Variants in TC2N observed in about 807,000 individuals in gnomAD.
TC2N encodes the protein tandem C2 domains nuclear protein.
TC2N carries 51 observed loss-of-function variants against 61.9 expected under a neutral mutation model. That is an observed-to-expected ratio of 0.82 (90% CI 0.66 to 1.04). The LOEUF is 1.04. TC2N is among the 50% of genes least tolerant of loss of function. The pLI, the probability that TC2N is intolerant of heterozygous loss-of-function variation, is 0.00. For synonymous variants in TC2N, 204 were observed against 192.6 expected, an observed-to-expected ratio of 1.06 and a Z score of -0.49; for missense variants, 556 against 566.7, an observed-to-expected ratio of 0.98 and a Z score of 0.19.
At position 91,834,494 on chromosome 14, in the gene TC2N, A is replaced by C. The variant is rs117250957; in HGVS notation, c.-56-20669T>G. On this transcript the variant is annotated intron_variant, in intron 1 of 11. Coordinates refer to ENST00000435962, the MANE Select transcript of TC2N (RefSeq NM_001128596.3). The stretch of plus-strand genomic sequence containing the variant: ...CTTTTCTTTTTTTAATCATCTCCCT[A>C]ATCAATGGATCGCCTCTCCTTCTAA... 9.1e-3 allele frequency among the ~76,000 whole-genome samples: 1,390 copies of C among 152,096 alleles called. 9 individuals carry two copies. Among genetic ancestry groups the C allele is most frequent in the Non-Finnish European group, 0.015 (1,022 of 67,992 alleles).
At chr14:91,791,887 C>G (rs1045884300) in intron 9 of TC2N, among the ~76,000 whole-genome samples, 3 of 151,992 alleles carry the variant, frequency 2.0e-5, no homozygotes, top group Admixed American at 6.6e-5. Flanking sequence ...GAGACCGAGG[C>G]GGGCAGATCA....
chr14:91,781,719 G>A lies in TC2N; in HGVS notation c.*1381C>T, dbSNP rs1464004832. 1 of 152,096 alleles carries A rather than the reference G, an allele frequency of 6.6e-6. No individual in the cohort carries two copies. The highest frequency in any genetic ancestry group is 6.6e-5 in the Admixed American group (1 of 15,264). 9.4% of individuals were successfully genotyped at this position (152,096 alleles called of 1,614,324 possible). On this transcript the variant is annotated 3_prime_UTR_variant, in exon 12 of 12. Coordinates refer to ENST00000435962, the MANE Select transcript of TC2N (RefSeq NM_001128596.3). Reference sequence around the variant, plus strand: ...ATTTCAAAATGTTCAGTGGCAGAGAGTACTGGTACCACAAAATCAGAGCAG... The same window carrying A: ...ATTTCAAAATGTTCAGTGGCAGAGAATACTGGTACCACAAAATCAGAGCAG...
chr14:91,829,698 C>T (rs1413013286), intron 1 of TC2N, among the ~76,000 whole-genome samples: 2 of 152,066 alleles, frequency 1.3e-5, no homozygotes, highest in Non-Finnish European at 2.9e-5. Flanking sequence ...TATCATTCTG[C>T]CAATTCTTGC....
At chr14:91,853,028 G>A (rs12437322) in intron 1 of TC2N, among the ~76,000 whole-genome samples, 74,210 of 151,970 alleles carry the variant, frequency 0.49, 18,438 homozygotes, top group African/African-American at 0.57. Context: ...CTGAGATCCC[G>A]CCACTGCACT....
Position 91,785,144 on chromosome 14 carries a change from A to AT in TC2N, c.1362+17dup. On this transcript the variant is annotated intron_variant, in intron 11 of 11. Transcript: ENST00000435962. ...AATGCATAGAAAAATATAAGGAAGG[A>AT]TAAAAACTCCTACTAACCTGGCCCA... 1 of 1,579,844 alleles carries AT rather than the reference A, an allele frequency of 6.3e-7. No homozygotes were observed. Among genetic ancestry groups the AT allele is most frequent in the Non-Finnish European group, 8.7e-7 (1 of 1,152,704 alleles).
intron 1 of TC2N, among the ~76,000 whole-genome samples, chr14:91,852,520 G>A (rs182519202): frequency 9.5e-4 from 145 of 152,234 alleles, no homozygotes; most frequent in African/African-American, 3.4e-3. Flanking sequence ...AGATTGTTGT[G>A]AAAGAATAGA....
intron 1 of TC2N, among the ~76,000 whole-genome samples, chr14:91,828,165 T>C (rs538279871): frequency 6.6e-6 from 1 of 152,290 alleles, no homozygotes; most frequent in African/African-American, 2.4e-5. Flanking sequence ...CCCTCTGTTG[T>C]TGCTGATCTG....
intron 10 of TC2N, among the ~76,000 whole-genome samples, chr14:91,786,542 G>C (rs547396512): frequency 6.6e-6 from 1 of 151,946 alleles, no homozygotes; most frequent in Admixed American, 6.6e-5. Flanking sequence ...ACCTTTTCAT[G>C]CTTATTCTTT....
At chr14:91,806,949 T>C (rs953790669) in intron 3 of TC2N, among the ~76,000 whole-genome samples, 5 of 152,220 alleles carry the variant, frequency 3.3e-5, no homozygotes, top group South Asian at 2.1e-4. Context: ...CCCCCTGTTG[T>C]GTGCAGCCTA....
At chr14:91,790,957 C>A (rs1177020517) in intron 9 of TC2N, among the ~76,000 whole-genome samples, 1 of 151,834 alleles carries the variant, frequency 6.6e-6, no homozygotes, top group Non-Finnish European at 1.5e-5. Flanking sequence ...TATAGCAAGA[C>A]CCCTTATCTC....
intron 1 of TC2N, among the ~76,000 whole-genome samples, chr14:91,865,897 T>A (rs1290798507): frequency 6.6e-6 from 1 of 152,186 alleles, no homozygotes; most frequent in Non-Finnish European, 1.5e-5. Flanking sequence ...ATTAAAGTTT[T>A]AGATTAACTT....
chr14:91,801,358 A>G (rs762727153), intron 4 of TC2N, among the ~76,000 whole-genome samples: 1 of 152,222 alleles, frequency 6.6e-6, no homozygotes, highest in Non-Finnish European at 1.5e-5. Context: ...AGTGAAATGC[A>G]TACAAAATAA....
rs560909725 is a variant in TC2N at position 91,795,164 on chromosome 14, T to G, written c.856-2606A>C. ...TGATACAATATGAACAGATAAGGAG[T>G]TGATTCTCACACATGAGCAAAGAAA... On this transcript the variant is annotated intron_variant, in intron 8 of 11. Transcript: ENST00000435962. Among the ~76,000 whole-genome samples the G allele has an allele frequency of 4.6e-5, 7 of 152,138 alleles. No individual in the cohort carries two copies. In the South Asian group the frequency reaches 1.5e-3, roughly 32 times the overall value.
rs757312641 is a variant in TC2N, at chr14:91,798,997, CT to C, written c.628del (p.Arg210GlufsTer18). The C allele has an allele frequency of 6.3e-7, 1 of 1,596,228 alleles. No homozygotes were observed. The highest frequency in any genetic ancestry group is 8.6e-7 in the Non-Finnish European group (1 of 1,169,216). ...SSRKNSQGSN[R>X]SLDTITLSGD... ...GATACTTTATTCCTTACCCAGGCTT[CT>C]GTTACTCCCCTGAGAATTTTTCCTT... On this transcript the variant is annotated frameshift_variant, in exon 6 of 12. Coordinates refer to ENST00000435962, the MANE Select transcript of TC2N (RefSeq NM_001128596.3). LOFTEE classifies it high-confidence loss of function.
At chr14:91,819,408 T>C (rs1887147320) in intron 1 of TC2N, among the ~76,000 whole-genome samples, 1 of 152,076 alleles carries the variant, frequency 6.6e-6, no homozygotes, top group Non-Finnish European at 1.5e-5. Context: ...GAGCAAGATC[T>C]TTAATGTACT....
At chr14:91,823,342 GAA>G (rs1566779827) in intron 1 of TC2N, among the ~76,000 whole-genome samples, 1 of 151,678 alleles carries the variant, frequency 6.6e-6, no homozygotes, top group East Asian at 2.0e-4. Context: ...CCAACCTGAA[GAA>G]ACCCCATCTC....
At chr14:91,813,091 TA>T (rs1886853562) in intron 2 of TC2N, among the ~76,000 whole-genome samples, 1 of 151,656 alleles carries the variant, frequency 6.6e-6, no homozygotes, top group Non-Finnish European at 1.5e-5. Flanking sequence ...TGTTTTAATG[TA>T]AAAAAGAAGG....
chr14:91,802,748 G>C (rs1038237694), intron 3 of TC2N, among the ~76,000 whole-genome samples: 1 of 151,262 alleles, frequency 6.6e-6, no homozygotes. Context: ...CAAGATTGGG[G>C]GGGGAGATAC....
intron 1 of TC2N, among the ~76,000 whole-genome samples, chr14:91,824,230 G>C (rs955428054): frequency 6.6e-6 from 1 of 152,158 alleles, no homozygotes; most frequent in Non-Finnish European, 1.5e-5. Context: ...CACCCCTGAG[G>C]TAAATGTCTG....
Sources: allele counts gnomAD v4.1 joint callset (sites outside exome capture counted in the v4.1 genomes callset), GRCh38; gene constraint gnomAD v4.1.1; transcripts MANE v1.5; gene names NCBI Gene and HGNC (gene_info 2026-07-23, HGNC 2026-07-21).